BMF: variants seen among roughly 807,000 people sequenced by gnomAD.
BMF encodes the protein bcl-2-modifying factor.
In BMF, 10 loss-of-function variants were observed where a neutral mutation model predicts 22.0. The observed-to-expected ratio is 0.45, with a 90% CI of 0.28 to 0.77. The LOEUF (loss-of-function observed/expected upper bound fraction) is 0.77, where lower values mean the gene tolerates loss of function less well. Among genes scored for constraint, BMF ranks in the 30% least tolerant of loss-of-function variants. The pLI, the probability that BMF is intolerant of heterozygous loss-of-function variation, is 0.13. For synonymous variants in BMF, 87 were observed against 88.1 expected, an observed-to-expected ratio of 0.99 and a Z score of 0.07; for missense variants, 206 against 226.8, an observed-to-expected ratio of 0.91 and a Z score of 0.59.
intron 4 of BMF, 100 bp from the exon 5 acceptor site, chr15:40,091,988 G>A (rs1191913139): frequency 2.1e-5 from 19 of 918,968 alleles, no homozygotes; most frequent in Non-Finnish European, 2.4e-5. Context: ...CAAGTCTCAC[G>A]GCTGGCACTT....
At chr15:40,094,255 C>G (rs2036308765) in intron 4 of BMF, among the ~76,000 whole-genome samples, 1 of 152,206 alleles carries the variant, frequency 6.6e-6, no homozygotes, top group African/African-American at 2.4e-5. Flanking sequence ...AGATGAGGCA[C>G]AGACTCCCAT....
rs951831554 is a variant in BMF, at chr15:40,088,775, G to A, written c.*3012C>T. 2.0e-5 allele frequency: 3 copies of A among 152,388 alleles called. No individual in the cohort carries two copies. The highest frequency in any genetic ancestry group is 2.9e-5 in the Non-Finnish European group (2 of 68,184). 9.4% of individuals were successfully genotyped at this position (152,388 alleles called of 1,614,324 possible). A position where few individuals can be genotyped will look rare whatever the true frequency, so the allele number is the denominator to read the frequency against. ...CCTGGGGGCTGAGGGAGGTCACTGG[G>A]AGGTGATCTTTTTCCACCTCGGATT... On this transcript the variant is annotated 3_prime_UTR_variant, in exon 5 of 5. Transcript: ENST00000354670.
At chr15:40,095,773 A>G (rs2036346274) in intron 4 of BMF, among the ~76,000 whole-genome samples, 1 of 152,194 alleles carries the variant, frequency 6.6e-6, no homozygotes, top group Admixed American at 6.5e-5. Context: ...GTGCCCTAAC[A>G]TGGTAGATCA....
At position 40,104,259 on chromosome 15, in the gene BMF, C is replaced by A. The variant is rs940757142; in HGVS notation, c.374G>T (p.Trp125Leu). The A allele has an allele frequency of 4.3e-6, 7 of 1,614,098 alleles. No homozygotes were observed. The African/African-American group carries it at 8.0e-5, about 18-fold the overall frequency. ...AATCTGTACCTCTGCTTGATGTTGC[C>A]ACTGCCCTTCGGGGGGCTGCTCCCC... ...PIGEQPPEGQWQHQAEVQIAR... is the reference protein window; with the variant it reads ...PIGEQPPEGQLQHQAEVQIAR... Residue 125 changes from tryptophan to leucine, a missense_variant, in exon 4 of 5, where the codon TGG (tryptophan) becomes TTG (leucine). Physicochemically the swap from Trp to Leu is moderately conservative, Grantham distance 61. Coordinates refer to ENST00000354670, the MANE Select transcript of BMF (RefSeq NM_001003940.2).
At chr15:40,094,892 C>T (rs1427759955) in intron 4 of BMF, among the ~76,000 whole-genome samples, 1 of 152,228 alleles carries the variant, frequency 6.6e-6, no homozygotes, top group Non-Finnish European at 1.5e-5. Context: ...GTGTTTTCTT[C>T]AGTCCCTTTC....
rs1295580044 is a variant in BMF, at chr15:40,087,917, T to C, written c.*3870A>G. 2 of 152,244 alleles carry C rather than the reference T, an allele frequency of 1.3e-5. No homozygotes were observed. The highest frequency in any genetic ancestry group is 4.8e-5 in the African/African-American group (2 of 41,446). The allele number at this position is 152,244 out of a possible 1,614,324, so 9.4% of individuals were successfully genotyped here. ...TGCTTTAAATGATTTTATTAAAAAT[T>C]GTACCAATTGATGGGGGGAAAGATA... On this transcript the variant is annotated 3_prime_UTR_variant, in exon 5 of 5. Coordinates refer to ENST00000354670, the MANE Select transcript of BMF (RefSeq NM_001003940.2).
rs1456231191 is a variant in BMF, at chr15:40,089,209, G to A, written c.*2578C>T. On this transcript the variant is annotated 3_prime_UTR_variant, in exon 5 of 5. Transcript: ENST00000354670. ...GGGGGATGGAGTCTGAGGGGGTGGA[G>A]GTCGGGGGGGAGGGGCAGGTCTCCT... The A allele has an allele frequency of 1.3e-5, 2 of 152,164 alleles. No individual in the cohort carries two copies. The highest frequency in any genetic ancestry group is 2.4e-5 in the African/African-American group (1 of 41,388). 9.4% of individuals were successfully genotyped at this position (152,164 alleles called of 1,614,324 possible).
At chr15:40,099,791 A>AAG (rs1555428027) in intron 4 of BMF, among the ~76,000 whole-genome samples, 3 of 151,090 alleles carry the variant, frequency 2.0e-5, no homozygotes, top group East Asian at 2.0e-4. Context: ...AAAAAAAAAA[A>AAG]AAAAAAAAAA....
At chr15:40,093,150 C>T (rs1156380280) in intron 4 of BMF, among the ~76,000 whole-genome samples, 1 of 152,226 alleles carries the variant, frequency 6.6e-6, no homozygotes, top group Non-Finnish European at 1.5e-5. Context: ...CAGCCCTGGC[C>T]TCCCTGACCT....
intron 4 of BMF, 35 bp from the exon 5 acceptor site, chr15:40,091,923 T>C: frequency 6.8e-7 from 1 of 1,462,582 alleles, no homozygotes; most frequent in Non-Finnish European, 9.4e-7. Flanking sequence ...CCAACATAAC[T>C]CCCAAACGCA....
At chr15:40,105,328 C>T (rs1317340746) in intron 3 of BMF, among the ~76,000 whole-genome samples, 4 of 152,248 alleles carry the variant, frequency 2.6e-5, no homozygotes, top group Non-Finnish European at 4.4e-5. Context: ...GCAGGCCCAA[C>T]CTCTTTCTCC....
rs899108502 is a variant in BMF, at chr15:40,091,036, C to G, written c.*751G>C. The G allele has an allele frequency of 1.3e-5, 2 of 152,682 alleles. No individual in the cohort carries two copies. Among genetic ancestry groups the G allele is most frequent in the Non-Finnish European group, 2.9e-5 (2 of 68,098 alleles). 9.5% of individuals were successfully genotyped at this position (152,682 alleles called of 1,614,324 possible). On this transcript the variant is annotated 3_prime_UTR_variant, in exon 5 of 5. Coordinates refer to ENST00000354670, the MANE Select transcript of BMF (RefSeq NM_001003940.2). ...CAGGCCGCCAGTGGTGGCAGTGGCTCTGTACCTCAGGACCAATCCTGGGGC... is the reference window on the plus strand; with the variant it reads ...CAGGCCGCCAGTGGTGGCAGTGGCTGTGTACCTCAGGACCAATCCTGGGGC...
chr15:40,100,435 A>T (rs1314020199), intron 4 of BMF, among the ~76,000 whole-genome samples: 2 of 152,208 alleles, frequency 1.3e-5, no homozygotes, highest in Admixed American at 1.3e-4. Flanking sequence ...TTGTCAGCTC[A>T]CAGAGGAGCA....
At position 40,091,717 on chromosome 15, in the gene BMF, A is replaced by C; in HGVS notation, c.*70T>G. 9.0e-7 allele frequency: 1 copy of C among 1,106,170 alleles called. No individual in the cohort carries two copies. Among genetic ancestry groups the C allele is most frequent in the Non-Finnish European group, 1.3e-6 (1 of 758,794 alleles). The allele number at this position is 1,106,170 out of a possible 1,614,324, so 68.5% of individuals were successfully genotyped here. ...AAACAATTTCACAAGACACAGTGTCAGTCCTGCCCGATGTCCTTCCTGTTC... is the reference window on the plus strand; with the variant it reads ...AAACAATTTCACAAGACACAGTGTCCGTCCTGCCCGATGTCCTTCCTGTTC... On this transcript the variant is annotated 3_prime_UTR_variant, in exon 5 of 5. Coordinates refer to ENST00000354670, the MANE Select transcript of BMF (RefSeq NM_001003940.2).
intron 4 of BMF, 74 bp downstream of exon 4, chr15:40,104,106 A>G: frequency 6.4e-7 from 1 of 1,574,608 alleles, no homozygotes; most frequent in Non-Finnish European, 8.7e-7. Context: ...AGTTGCTGAC[A>G]AGAGGAGAGA....
In BMF at chr15:40,105,975, T is replaced by A. The variant is rs1416631525; in HGVS notation, c.112A>T (p.Ser38Cys). 1.9e-6 allele frequency: 3 copies of A among 1,614,012 alleles called. No homozygotes were observed. Among genetic ancestry groups the A allele is most frequent in the South Asian group, 2.2e-5 (2 of 91,082 alleles). Residue 38 changes from serine (S) to cysteine (C), a missense_variant, in exon 3 of 5, where the codon AGC (serine) becomes TGC (cysteine). Transcript: ENST00000354670. The stretch of plus-strand genomic sequence containing the variant: ...CGGCTGAGGGGGCAGTCCAGTAGGC[T>A]CTGGGCAAACAGGTCAGCAGAGAGC... ...SLLSADLFAQ[S>C]LLDCPLSRLQ...
At chr15:40,107,446 C>G (rs1360558294) in intron 2 of BMF, among the ~76,000 whole-genome samples, 2 of 152,018 alleles carry the variant, frequency 1.3e-5, no homozygotes, top group Admixed American at 1.3e-4. Context: ...GTCTATGGTC[C>G]TGTCTGTGCC....
intron 2 of BMF, among the ~76,000 whole-genome samples, chr15:40,107,533 A>AGTGTGTGTGTGTGT (rs58296260): frequency 3.7e-4 from 51 of 137,508 alleles, no homozygotes; most frequent in Admixed American, 1.4e-3. Flanking sequence ...GTGTTTCCCA[A>AGTGTGTGTGTGTGT]GTGTGTGTGT....
chr15:40,088,992 G>A lies in BMF; in HGVS notation c.*2795C>T, dbSNP rs1268327542. 1 of 152,672 alleles carries A rather than the reference G, an allele frequency of 6.5e-6. No homozygotes were observed. Among genetic ancestry groups the A allele is most frequent in the Non-Finnish European group, 1.5e-5 (1 of 68,064 alleles). 9.5% of individuals were successfully genotyped at this position (152,672 alleles called of 1,614,324 possible). On this transcript the variant is annotated 3_prime_UTR_variant, in exon 5 of 5. Transcript: ENST00000354670. Reference sequence around the variant, plus strand: ...AGGGCTGTTTTGACCCTGAATATCAGGCTTCCCTTCCTCCCAGGCATTTCT... The same window carrying A: ...AGGGCTGTTTTGACCCTGAATATCAAGCTTCCCTTCCTCCCAGGCATTTCT...
Sources: gnomAD v4.1 joint callset for allele counts (sites outside exome capture counted in the v4.1 genomes callset) on GRCh38, gnomAD v4.1.1 for gene constraint, MANE v1.5 for transcripts, NCBI Gene and HGNC (gene_info 2026-07-23, HGNC 2026-07-21) for gene names.